The following RORA variants were observed in gnomAD, a reference collection of about 807,000 sequenced individuals.
The protein encoded by RORA is nuclear receptor ROR-alpha.
RORA carries 7 observed loss-of-function variants against 69.5 expected under a neutral mutation model. The ratio of observed to expected loss-of-function variants is 0.10; its 90% confidence interval spans 0.06 to 0.19. The LOEUF is 0.19. Ranked by LOEUF, RORA falls within the 10% of genes least tolerant of loss-of-function variation. RORA has a pLI of 1.00. For synonymous variants in RORA, 261 were observed against 240.8 expected (o/e 1.08, Z -0.78); for missense variants, 457 against 663.0 (o/e 0.69, Z 3.41).
intron 1 of RORA, among the ~76,000 whole-genome samples, chr15:60,863,332 G>A (rs1292655906): frequency 1.3e-5 from 2 of 152,026 alleles, no homozygotes; most frequent in Non-Finnish European, 2.9e-5. Context: ...TACCCAAACT[G>A]GATCATTCAT....
chr15:61,219,132 G>C (rs1286390466), intron 1 of RORA, among the ~76,000 whole-genome samples: 1 of 152,152 alleles, frequency 6.6e-6, no homozygotes, highest in Admixed American at 6.5e-5. Flanking sequence ...CTCACTGGTG[G>C]ATTTTTAATT....
rs551372963 is a variant in RORA at position 60,587,423 on chromosome 15, G to A, written c.197-55572C>T. Among the ~76,000 whole-genome samples, 7 of 152,206 alleles carry A rather than the reference G, an allele frequency of 4.6e-5. No homozygotes were observed. In the East Asian group the frequency reaches 9.6e-4, roughly 21 times the overall value. On this transcript the variant is annotated intron_variant, in intron 2 of 10. Coordinates refer to ENST00000335670, the MANE Select transcript of RORA (RefSeq NM_134261.3). ...CTAGAGACAAAGTTATATCCAGGAC[G>A]TTTTTCACAGCTTCCTCCAGGGGAG...
At chr15:60,880,822 C>A (rs527865749) in intron 1 of RORA, among the ~76,000 whole-genome samples, 1 of 152,126 alleles carries the variant, frequency 6.6e-6, no homozygotes. Context: ...AAATTTAATA[C>A]GTGTCTGACC....
At position 61,035,479 on chromosome 15, in the gene RORA, C is replaced by T. The variant is rs753313362; in HGVS notation, c.166+193574G>A. Among the ~76,000 whole-genome samples, 271 of 152,298 alleles carry T rather than the reference C, an allele frequency of 1.8e-3. 2 individuals carry two copies. The highest frequency in any genetic ancestry group is 2.6e-3 in the Non-Finnish European group (174 of 68,026). Reference sequence around the variant, plus strand: ...TCAAGCAATTTTCTGTCCCATTTCACTTAAAAAGTCCTAAGAATCTGGTCT... The same window carrying T: ...TCAAGCAATTTTCTGTCCCATTTCATTTAAAAAGTCCTAAGAATCTGGTCT... On this transcript the variant is annotated intron_variant, in intron 1 of 10. Coordinates refer to ENST00000335670, the MANE Select transcript of RORA (RefSeq NM_134261.3).
At chr15:60,508,842 C>T (rs966862611) in intron 5 of RORA, among the ~76,000 whole-genome samples, 2 of 152,148 alleles carry the variant, frequency 1.3e-5, no homozygotes, top group Non-Finnish European at 2.9e-5. Context: ...TAGTAACAAA[C>T]CTAATTTGCA....
intron 1 of RORA, among the ~76,000 whole-genome samples, chr15:60,885,925 C>T (rs2073745573): frequency 6.6e-6 from 1 of 152,198 alleles, no homozygotes; most frequent in Non-Finnish European, 1.5e-5. Context: ...GCTCCCTGAG[C>T]CATCTTGTCT....
At chr15:60,932,033 G>GT (rs200233730) in intron 1 of RORA, among the ~76,000 whole-genome samples, 37,103 of 148,710 alleles carry the variant, frequency 0.25, 5,343 homozygotes, top group Non-Finnish European at 0.33. Context: ...TGAATCAAGA[G>GT]TTTTTTTTTT....
chr15:60,751,813 G>T (rs1271832233), intron 1 of RORA, among the ~76,000 whole-genome samples: 1 of 152,126 alleles, frequency 6.6e-6, no homozygotes, highest in South Asian at 2.1e-4. Context: ...ACAGAGCTGA[G>T]GAACAAAAAC....
At chr15:61,208,446 C>G (rs1322421097) in intron 1 of RORA, among the ~76,000 whole-genome samples, 8 of 152,070 alleles carry the variant, frequency 5.3e-5, no homozygotes, top group Non-Finnish European at 1.2e-4. Flanking sequence ...TCTTCTGGGG[C>G]TGATGGAAAT....
intron 1 of RORA, among the ~76,000 whole-genome samples, chr15:61,168,708 T>C (rs1026233650): frequency 2.0e-5 from 3 of 152,202 alleles, no homozygotes; most frequent in Admixed American, 6.5e-5. Flanking sequence ...CGTTTTATGG[T>C]TCCCCTCACC....
intron 1 of RORA, among the ~76,000 whole-genome samples, chr15:60,822,811 T>C (rs2072909300): frequency 6.6e-6 from 1 of 152,118 alleles, no homozygotes; most frequent in African/African-American, 2.4e-5. Context: ...CAGTATTTCG[T>C]TTAAAGGCAC....
intron 1 of RORA, among the ~76,000 whole-genome samples, chr15:60,963,273 T>C (rs542986273): frequency 2.8e-4 from 43 of 152,290 alleles, no homozygotes; most frequent in Non-Finnish European, 5.7e-4. Flanking sequence ...CTCAAAGGCA[T>C]AGAAGTTAGA....
At chr15:61,070,824 C>A (rs1164650382) in intron 1 of RORA, among the ~76,000 whole-genome samples, 1 of 152,142 alleles carries the variant, frequency 6.6e-6, no homozygotes. Flanking sequence ...CTACATTATG[C>A]TTGACACAGG....
At chr15:60,926,243 A>C (rs1364049104) in intron 1 of RORA, among the ~76,000 whole-genome samples, 1 of 152,164 alleles carries the variant, frequency 6.6e-6, no homozygotes, top group Non-Finnish European at 1.5e-5. Context: ...ATCCAATGAC[A>C]TTTGGAACAG....
intron 1 of RORA, among the ~76,000 whole-genome samples, chr15:60,748,795 G>C (rs1285708561): frequency 6.6e-6 from 1 of 152,124 alleles, no homozygotes; most frequent in African/African-American, 2.4e-5. Context: ...GTATGTTTCA[G>C]CAACACCTCC....
chr15:60,489,013 AT>A lies in RORA; in HGVS notation c.*8441del, dbSNP rs1260308183. The A allele has an allele frequency of 6.6e-6, 1 of 151,934 alleles. No homozygotes were observed. The highest frequency in any genetic ancestry group is 1.5e-5 in the Non-Finnish European group (1 of 67,948). The allele number at this position is 151,934 out of a possible 1,614,324, so 9.4% of individuals were successfully genotyped here. A position where few individuals can be genotyped will look rare whatever the true frequency, so the allele number is the denominator to read the frequency against. On this transcript the variant is annotated 3_prime_UTR_variant, in exon 11 of 11. Coordinates refer to ENST00000335670, the MANE Select transcript of RORA (RefSeq NM_134261.3). ...GGGGCACACTTGTTATCATTTAACAATTGTCAAATGCTGACATGTGCTAGCC... is the reference window on the plus strand; with the variant it reads ...GGGGCACACTTGTTATCATTTAACAATGTCAAATGCTGACATGTGCTAGCC...
intron 1 of RORA, among the ~76,000 whole-genome samples, chr15:60,937,311 GTT>G (rs1892554864): frequency 6.6e-6 from 1 of 152,138 alleles, no homozygotes; most frequent in African/African-American, 2.4e-5. Context: ...TATGGTTGTT[GTT>G]TAAGAGTATT....
intron 1 of RORA, among the ~76,000 whole-genome samples, chr15:61,119,827 A>G (rs1042437588): frequency 1.3e-5 from 2 of 152,328 alleles, no homozygotes; most frequent in African/African-American, 4.8e-5. Flanking sequence ...AATTCCAGTG[A>G]AATCCAGTCT....
intron 2 of RORA, among the ~76,000 whole-genome samples, chr15:60,633,237 C>T (rs150868261): frequency 2.0e-5 from 3 of 152,266 alleles, no homozygotes; most frequent in Non-Finnish European, 4.4e-5. Context: ...TAGCAGATAA[C>T]CACAGAGCAC....
Sources: allele counts gnomAD v4.1 joint callset (sites outside exome capture counted in the v4.1 genomes callset), GRCh38; gene constraint gnomAD v4.1.1; transcripts MANE v1.5; gene names NCBI Gene and HGNC (gene_info 2026-07-23, HGNC 2026-07-21).